MYT1L: variants seen among roughly 807,000 people sequenced by gnomAD.
MYT1L encodes the protein myelin transcription factor 1-like protein.
A neutral mutation model predicts 126.7 loss-of-function variants in MYT1L; 12 were observed. The ratio of observed to expected loss-of-function variants is 0.09; its 90% CI spans 0.06 to 0.15. The LOEUF is 0.15. MYT1L is among the 10% of genes least tolerant of loss of function. MYT1L has a pLI of 1.00. For synonymous variants in MYT1L, 541 were observed against 604.2 expected (o/e 0.90, Z 1.53); for missense variants, 979 against 1,585.2 (o/e 0.62, Z 6.49).
At chr2:1,841,565 T>TG (rs2041718077) in intron 19 of MYT1L, 1 of 152,082 alleles carries the variant, frequency 6.6e-6, no homozygotes, top group Non-Finnish European at 1.5e-5. Context: ...GTTGGGAGAC[T>TG]GGGGTGGGCT....
chr2:2,279,389 A>G (rs541711644), intron 2 of MYT1L, among the ~76,000 whole-genome samples: 44 of 150,992 alleles, frequency 2.9e-4, no homozygotes, highest in African/African-American at 9.7e-4. Context: ...TGGAAGAGGA[A>G]GAAGGAGAAG....
intron 9 of MYT1L, among the ~76,000 whole-genome samples, chr2:1,930,898 T>C (rs2054874381): frequency 6.6e-6 from 1 of 152,208 alleles, no homozygotes; most frequent in Admixed American, 6.5e-5. Context: ...CCCAGGATGT[T>C]TGTTTTAACA....
At chr2:1,998,063 C>T (rs899796022) in intron 4 of MYT1L, among the ~76,000 whole-genome samples, 4 of 152,102 alleles carry the variant, frequency 2.6e-5, no homozygotes, top group Non-Finnish European at 5.9e-5. Flanking sequence ...AAGGCCTGTC[C>T]CTACACATGC....
intron 3 of MYT1L, among the ~76,000 whole-genome samples, chr2:2,150,845 A>AAAGAAGGGAAGGGAAGGAGGG (rs2085646198): frequency 6.7e-6 from 1 of 149,090 alleles, no homozygotes; most frequent in Non-Finnish European, 1.5e-5. Context: ...AGGGAAGGGA[A>AAAGAAGGGAAGGGAAGGAGGG]AAGAAGGGAA....
chr2:2,181,288 A>G (rs542955600), intron 2 of MYT1L, among the ~76,000 whole-genome samples: 1 of 151,988 alleles, frequency 6.6e-6, no homozygotes, highest in East Asian at 1.9e-4. Flanking sequence ...GTGTGCGTGC[A>G]CCTGTGTGTG....
chr2:2,327,173 G>T (rs1301785465), intron 1 of MYT1L: 1 of 152,112 alleles, frequency 6.6e-6, no homozygotes, highest in African/African-American at 2.4e-5. Flanking sequence ...TATTGGGGTG[G>T]TATGTCAATT....
intron 4 of MYT1L, among the ~76,000 whole-genome samples, chr2:2,004,851 C>G (rs1167670272): frequency 2.0e-5 from 3 of 150,888 alleles, no homozygotes; most frequent in African/African-American, 7.3e-5. Flanking sequence ...TGCATGCGCT[C>G]TTTCCTGCAT....
chr2:1,871,039 A>T (rs2046218488), intron 18 of MYT1L, among the ~76,000 whole-genome samples: 2 of 152,194 alleles, frequency 1.3e-5, no homozygotes, highest in African/African-American at 4.8e-5. Flanking sequence ...TTCCCCGCAG[A>T]GGGAGAGGAA....
intron 1 of MYT1L, among the ~76,000 whole-genome samples, chr2:2,311,249 T>G (rs7597000): frequency 0.25 from 37,500 of 152,098 alleles, 4,834 homozygotes; most frequent in South Asian, 0.4. Flanking sequence ...GCATGAGAAT[T>G]AAGACACGAA....
intron 18 of MYT1L, among the ~76,000 whole-genome samples, chr2:1,873,288 T>A (rs1254194983): frequency 6.6e-6 from 1 of 152,228 alleles, no homozygotes; most frequent in East Asian, 1.9e-4. Context: ...AAACAAATGT[T>A]AAACTATTTT....
chr2:1,922,048 T>C lies in MYT1L; in HGVS notation c.1483+238A>G, dbSNP rs1331953118. Among the ~76,000 whole-genome samples, 1 of 152,238 alleles carries C rather than the reference T, an allele frequency of 6.6e-6. No homozygotes were observed. The highest frequency in any genetic ancestry group is 1.5e-5 in the Non-Finnish European group (1 of 68,038). Reference sequence around the variant, plus strand: ...AAGGAATGCATTTCCCACTGAAATATCCTACTATTCATCTGCTCTAGTAAT... The same window carrying C: ...AAGGAATGCATTTCCCACTGAAATACCCTACTATTCATCTGCTCTAGTAAT... On this transcript the variant is annotated intron_variant, in intron 10 of 24. Transcript: ENST00000647738. This position sits in a 1 kb window ranked among gnomAD's most constrained non-coding sequence, Gnocchi z 7.4.
intron 2 of MYT1L, among the ~76,000 whole-genome samples, chr2:2,182,855 C>T (rs1037851904): frequency 6.6e-6 from 1 of 152,142 alleles, no homozygotes; most frequent in African/African-American, 2.4e-5. Flanking sequence ...GATAAAGACT[C>T]GCACAGCCTG....
intron 23 of MYT1L, among the ~76,000 whole-genome samples, chr2:1,799,444 C>T (rs1281801341): frequency 6.6e-6 from 1 of 152,196 alleles, no homozygotes; most frequent in Non-Finnish European, 1.5e-5. Context: ...AGCCCCAGTA[C>T]TTCATCCACA....
chr2:2,311,975 G>A (rs2095979778), intron 1 of MYT1L, among the ~76,000 whole-genome samples: 1 of 152,220 alleles, frequency 6.6e-6, no homozygotes, highest in South Asian at 2.1e-4. Flanking sequence ...TCAATGACAA[G>A]CATTGTAGGT....
chr2:2,183,765 G>GGGAGAGGAAGGAAGGAA (rs2091792542), intron 2 of MYT1L, among the ~76,000 whole-genome samples: 2 of 143,666 alleles, frequency 1.4e-5, no homozygotes, highest in Non-Finnish European at 3.1e-5. Flanking sequence ...GAGGGAAGGA[G>GGGAGAGGAAGGAAGGAA]GGAGAGGAAG....
chr2:1,866,711 G>A (rs1395027501), intron 18 of MYT1L, among the ~76,000 whole-genome samples: 2 of 120,944 alleles, frequency 1.7e-5, no homozygotes, highest in African/African-American at 6.2e-5. Flanking sequence ...GGGAGGGAGA[G>A]AGAGAGGCAG....
chr2:2,305,266 T>C (rs1048436063), intron 1 of MYT1L, among the ~76,000 whole-genome samples: 3 of 152,150 alleles, frequency 2.0e-5, no homozygotes, highest in Non-Finnish European at 4.4e-5. Context: ...CTTCAGGCAG[T>C]GTATGCAAAG....
At chr2:2,310,448 C>CTACACTTCAG (rs1386580766) in intron 1 of MYT1L, among the ~76,000 whole-genome samples, 3 of 152,172 alleles carry the variant, frequency 2.0e-5, no homozygotes, top group Non-Finnish European at 2.9e-5. Flanking sequence ...TATACTCCAT[C>CTACACTTCAG]TACACTTCAG....
At position 1,912,303 on chromosome 2, in the gene MYT1L, G is replaced by A. The variant is rs145076108; in HGVS notation, c.1619-193C>T. Among the ~76,000 whole-genome samples, 1,336 of 152,216 alleles carry A rather than the reference G, an allele frequency of 8.8e-3. 17 individuals are homozygous for A. Among genetic ancestry groups the A allele is most frequent in the Non-Finnish European group, 0.014 (936 of 68,008 alleles). On this transcript the variant is annotated intron_variant, in intron 11 of 24. Coordinates refer to ENST00000647738, the MANE Select transcript of MYT1L (RefSeq NM_001303052.2). This position sits in a 1 kb window ranked among gnomAD's most constrained non-coding sequence, Gnocchi z 4.3. Reference sequence around the variant, plus strand: ...TGACTGGACCCTACGGACCCTACACGAAAGGCCAGAGAAAGAAGGTTGACT... The same window carrying A: ...TGACTGGACCCTACGGACCCTACACAAAAGGCCAGAGAAAGAAGGTTGACT...
Sources: gnomAD v4.1 joint callset for allele counts (sites outside exome capture counted in the v4.1 genomes callset) on GRCh38, gnomAD v4.1.1 for gene constraint, Gnocchi (gnomAD v3.1) non-coding constraint, MANE v1.5 for transcripts, NCBI Gene and HGNC (gene_info 2026-07-23, HGNC 2026-07-21) for gene names.